Variants in C8orf34 observed in about 807,000 individuals in gnomAD.
C8orf34 encodes chromosome 8 open reading frame 34.
C8orf34 carries 65 observed loss-of-function variants against 68.3 expected under a neutral mutation model. The ratio of observed to expected loss-of-function variants is 0.95; its 90% CI spans 0.78 to 1.17. C8orf34 has a LOEUF of 1.17. Ranked by LOEUF, C8orf34 falls within the 50% of genes most tolerant of loss-of-function variation. C8orf34 has a pLI of 0.00. For missense variants in C8orf34, 664 were observed against 655.4 expected (o/e 1.01, Z -0.14); for synonymous variants, 244 against 241.2 (o/e 1.01, Z -0.11).
chr8:68,553,034 C>A (rs1451009503), intron 7 of C8orf34, among the ~76,000 whole-genome samples: 1 of 151,672 alleles, frequency 6.6e-6, no homozygotes, highest in Non-Finnish European at 1.5e-5. Context: ...TATTTTAATG[C>A]CTTTATCTGG....
chr8:68,333,828 T>A (rs191462592), intron 1 of C8orf34, among the ~76,000 whole-genome samples: 1 of 152,242 alleles, frequency 6.6e-6, no homozygotes, highest in Non-Finnish European at 1.5e-5. Flanking sequence ...GGCCGCTTCA[T>A]GTCTTGTCAT....
intron 7 of C8orf34, among the ~76,000 whole-genome samples, chr8:68,576,865 A>C (rs1816920137): frequency 6.6e-6 from 1 of 152,074 alleles, no homozygotes; most frequent in Non-Finnish European, 1.5e-5. Context: ...TTAATATAAA[A>C]TAGCATATTG....
At chr8:68,503,503 T>C (rs1051248305) in intron 5 of C8orf34, among the ~76,000 whole-genome samples, 1 of 152,084 alleles carries the variant, frequency 6.6e-6, no homozygotes, top group Admixed American at 6.6e-5. Flanking sequence ...TGTATTTGTA[T>C]GAACATTTTC....
At chr8:68,342,983 G>T (rs1282678226) in intron 1 of C8orf34, among the ~76,000 whole-genome samples, 2 of 152,040 alleles carry the variant, frequency 1.3e-5, no homozygotes, top group African/African-American at 2.4e-5. Context: ...AGGAAAAGAA[G>T]AAATTTGTGT....
chr8:68,776,130 C>T (rs894184360), intron 10 of C8orf34, among the ~76,000 whole-genome samples: 66 of 152,102 alleles, frequency 4.3e-4, no homozygotes, highest in African/African-American at 1.6e-3. Flanking sequence ...CAAACCTGCA[C>T]GTCCTGCACA....
intron 11 of C8orf34, among the ~76,000 whole-genome samples, chr8:68,782,860 C>T (rs1364342006): frequency 2.0e-5 from 3 of 151,444 alleles, no homozygotes; most frequent in East Asian, 2.0e-4. Flanking sequence ...AATTGAAGAC[C>T]AGTCTGGGCA....
chr8:68,703,170 T>C (rs1450660687), intron 8 of C8orf34, among the ~76,000 whole-genome samples: 2 of 152,180 alleles, frequency 1.3e-5, no homozygotes, highest in Non-Finnish European at 2.9e-5. Flanking sequence ...GCACATGTAC[T>C]AGGTACTATC....
chr8:68,606,543 A>G (rs1817859642), intron 7 of C8orf34, among the ~76,000 whole-genome samples: 1 of 152,176 alleles, frequency 6.6e-6, no homozygotes, highest in Admixed American at 6.6e-5. Flanking sequence ...TTGATGTCAC[A>G]TACTGTATTA....
chr8:68,537,493 C>T (rs1815527954), intron 7 of C8orf34, among the ~76,000 whole-genome samples: 1 of 150,960 alleles, frequency 6.6e-6, no homozygotes. Context: ...TCAAGTCTTG[C>T]TTTGGCTAAT....
intron 1 of C8orf34, among the ~76,000 whole-genome samples, chr8:68,432,617 C>T (rs1263705579): frequency 2.0e-5 from 3 of 152,112 alleles, no homozygotes; most frequent in East Asian, 1.9e-4. Flanking sequence ...ATTCACATTG[C>T]TTTCCTGCCT....
At chr8:68,391,710 T>G (rs1273950958) in intron 1 of C8orf34, among the ~76,000 whole-genome samples, 1 of 152,154 alleles carries the variant, frequency 6.6e-6, no homozygotes, top group Non-Finnish European at 1.5e-5. Flanking sequence ...TCACTCACAC[T>G]CCATGTCCAT....
intron 8 of C8orf34, among the ~76,000 whole-genome samples, chr8:68,656,263 GA>G (rs1819508137): frequency 6.6e-6 from 1 of 152,092 alleles, no homozygotes; most frequent in Non-Finnish European, 1.5e-5. Context: ...ATTCAACACA[GA>G]AAATAATAAT....
At chr8:68,496,683 G>A (rs574787817) in intron 5 of C8orf34, among the ~76,000 whole-genome samples, 1 of 152,232 alleles carries the variant, frequency 6.6e-6, no homozygotes, top group South Asian at 2.1e-4. Context: ...AGATAGCTTT[G>A]TTTTGCTATT....
intron 7 of C8orf34, chr8:68,535,219 A>T: frequency 1.0e-6 from 1 of 979,874 alleles, no homozygotes; most frequent in Non-Finnish European, 1.2e-6. Flanking sequence ...AATTTATGTG[A>T]AATCTAATTT....
rs1824889545 is a variant in C8orf34, at chr8:68,818,613, T to G, written c.*367T>G. On this transcript the variant is annotated 3_prime_UTR_variant, in exon 14 of 14. Coordinates refer to ENST00000518698, the MANE Select transcript of C8orf34 (RefSeq NM_052958.4). ...AACTTGTCTAGGGTTTTCTACTTCTTCTATTTTTATAATATTTTCTCATTT... is the reference window on the plus strand; with the variant it reads ...AACTTGTCTAGGGTTTTCTACTTCTGCTATTTTTATAATATTTTCTCATTT... 5.6e-6 allele frequency: 1 copy of G among 177,420 alleles called. No individual in the cohort carries two copies. The highest frequency in any genetic ancestry group is 1.2e-5 in the Non-Finnish European group (1 of 85,018). 11.0% of individuals were successfully genotyped at this position (177,420 alleles called of 1,614,324 possible). A position where few individuals can be genotyped will look rare whatever the true frequency, so the allele number is the denominator to read the frequency against.
chr8:68,462,248 A>T (rs1811871333), intron 3 of C8orf34, among the ~76,000 whole-genome samples: 1 of 152,178 alleles, frequency 6.6e-6, no homozygotes, highest in Non-Finnish European at 1.5e-5. Context: ...TAACTATCCT[A>T]AATATATATG....
intron 9 of C8orf34, among the ~76,000 whole-genome samples, chr8:68,716,929 G>C (rs1219221116): frequency 1.1e-4 from 17 of 151,662 alleles, no homozygotes; most frequent in Non-Finnish European, 2.2e-4. Context: ...GATAAAATCA[G>C]TGATGTACAA....
intron 1 of C8orf34, among the ~76,000 whole-genome samples, chr8:68,343,673 A>C (rs538656839): frequency 7.5e-4 from 113 of 151,584 alleles, no homozygotes; most frequent in African/African-American, 2.6e-3. Context: ...AGCTCACTGC[A>C]ACCTCTGCCT....
At chr8:68,448,253 A>G (rs75681031) in intron 3 of C8orf34, among the ~76,000 whole-genome samples, 16,739 of 152,138 alleles carry the variant, frequency 0.11, 1,015 homozygotes, top group African/African-American at 0.14. Flanking sequence ...GTCTGAATAT[A>G]TTCCTTTTTA....
Sources: gnomAD v4.1 joint callset for allele counts (sites outside exome capture counted in the v4.1 genomes callset) on GRCh38, gnomAD v4.1.1 for gene constraint, MANE v1.5 for transcripts, NCBI Gene and HGNC (gene_info 2026-07-23, HGNC 2026-07-21) for gene names.